Variants in TACC2 observed in about 807,000 individuals in gnomAD.
The protein encoded by TACC2 is transforming acidic coiled-coil-containing protein 2.
TACC2 carries 137 observed loss-of-function variants against 227.3 expected under a neutral mutation model. The observed-to-expected ratio is 0.60, with a 90% CI of 0.52 to 0.69. The LOEUF is 0.69. Ranked by LOEUF, TACC2 falls within the 30% of genes least tolerant of loss-of-function variation. TACC2 has a pLI of 0.00. For missense variants in TACC2, 3,470 were observed against 3,694.4 expected (o/e 0.94, Z 1.57); for synonymous variants, 1,523 against 1,487.5 (o/e 1.02, Z -0.55).
At chr10:121,999,378 AT>A (rs1217734430) in intron 1 of TACC2, among the ~76,000 whole-genome samples, 15 of 152,332 alleles carry the variant, frequency 9.8e-5, no homozygotes, top group African/African-American at 3.6e-4. Flanking sequence ...ATTCCTCTGA[AT>A]ATCCTTTTGC....
chr10:122,206,853 C>A (rs1236001056), intron 8 of TACC2, among the ~76,000 whole-genome samples: 1 of 152,180 alleles, frequency 6.6e-6, no homozygotes, highest in Non-Finnish European at 1.5e-5. Flanking sequence ...TCCTATCCTT[C>A]CTTACCTCTA....
rs1048137249 is a variant in TACC2 at position 122,084,847 on chromosome 10, C to T, written c.2347C>T (p.Gln783Ter). The change falls in exon 4 of 23, where the codon CAG becomes TAG. Residue 783 changes from glutamine (Q) to a stop codon, truncating the protein, a stop_gained. Transcript: ENST00000369005. LOFTEE classifies it high-confidence loss of function. ...TCATGCTGGGGTGCCACATCCCCCC[C>T]AGGGGGAGAACTTGGCAGCAGACCT... is the stretch of plus-strand genomic sequence containing the variant. The part of the protein sequence containing the change: ...EFHAGVPHPP[Q>*]GENLAADLGL... 87 of 1,613,786 alleles carry T rather than the reference C, an allele frequency of 5.4e-5. No individual in the cohort carries two copies. The highest frequency in any genetic ancestry group is 7.0e-5 in the Non-Finnish European group (83 of 1,180,038).
In TACC2 at chr10:122,084,562, T is replaced by C. The variant is rs769357558; in HGVS notation, c.2062T>C (p.Trp688Arg). ...GCCCACTGTTCCCGAAGGAGCCATC[T>C]GGGAGGGGTCAGGATTGCAGCCCAA... ...GEPTVPEGAI[W>R]EGSGLQPKCP... The change falls in exon 4 of 23, where the codon TGG becomes CGG. Residue 688 changes from tryptophan (W) to arginine (R), a missense_variant. Physicochemically the swap from Trp to Arg is moderately radical, Grantham distance 101 (BLOSUM62 -3). This residue lies in a region of TACC2 where 1,924 missense variants were observed against 1,978.3 expected (regional missense o/e 0.97). Coordinates refer to ENST00000369005, the MANE Select transcript of TACC2 (RefSeq NM_206862.4). The C allele has an allele frequency of 3.1e-6, 5 of 1,613,670 alleles. No individual in the cohort carries two copies. The highest frequency in any genetic ancestry group is 3.4e-6 in the Non-Finnish European group (4 of 1,180,028).
In TACC2 at chr10:122,083,179, G is replaced by C; in HGVS notation, c.679G>C (p.Glu227Gln). ...CCAGCCTGGTGGTTTTGAGTCCCAA[G>C]AGAAAGAGGCTGCAGGTGGCTTTCC... ...GDQPGGFESQ[E>Q]KEAAGGFPPA... The change falls in exon 4 of 23, where the codon GAG (glutamate) becomes CAG (glutamine). Residue 227 changes from glutamate to glutamine, a missense_variant. Coordinates refer to ENST00000369005, the MANE Select transcript of TACC2 (RefSeq NM_206862.4). 1 of 1,613,392 alleles carries C rather than the reference G, an allele frequency of 6.2e-7. No homozygotes were observed. The highest frequency in any genetic ancestry group is 8.5e-7 in the Non-Finnish European group (1 of 1,180,026).
chr10:122,202,682 G>C (rs1224259600), intron 8 of TACC2, among the ~76,000 whole-genome samples: 5 of 131,838 alleles, frequency 3.8e-5, no homozygotes, highest in Non-Finnish European at 6.7e-5. Context: ...TTTTTTAATT[G>C]ATCATTCTTG....
rs369730135 is a variant in TACC2, at chr10:122,194,385, G to A, written c.5835-655G>A. On this transcript the variant is annotated intron_variant, in intron 7 of 22. Transcript: ENST00000369005. This position sits in a 1 kb window ranked among gnomAD's most constrained non-coding sequence, Gnocchi z 4.4. ...CAGCGAGGGCCATTTTCACTGTGTC[G>A]GGGTTGGTGGCCGTGCTTTGTGTCT... 2.6e-5 allele frequency among the ~76,000 whole-genome samples: 4 copies of A among 152,166 alleles called. No individual in the cohort carries two copies. Among genetic ancestry groups the A allele is most frequent in the South Asian group, 2.1e-4 (1 of 4,820 alleles).
At chr10:122,178,614 T>C (rs767296130) in intron 7 of TACC2, among the ~76,000 whole-genome samples, 1 of 151,580 alleles carries the variant, frequency 6.6e-6, no homozygotes, top group Non-Finnish European at 1.5e-5. Flanking sequence ...TCAGGCGCAG[T>C]GGCTCACGCC....
chr10:122,044,027 A>G (rs1009175979), intron 2 of TACC2, among the ~76,000 whole-genome samples: 3 of 152,184 alleles, frequency 2.0e-5, no homozygotes, highest in African/African-American at 7.2e-5. Context: ...CAGAACCTAG[A>G]CCCAGCCCTT....
rs573978302 is a variant in TACC2 at position 122,125,216 on chromosome 10, A to G, written c.5574-7393A>G. On this transcript the variant is annotated intron_variant, in intron 5 of 22. Transcript: ENST00000369005. ...TTATGACTTTTTGAGTTTTTTTGAG[A>G]CAGGGTCTCACTTTTGTTGCTCAGG... Among the ~76,000 whole-genome samples the G allele has an allele frequency of 2.0e-5, 3 of 152,046 alleles. No individual in the cohort carries two copies. In the East Asian group the frequency reaches 5.8e-4, roughly 29 times the overall value.
At chr10:122,125,860 T>TCTGCCTCCCAGGTTCAAGCGATTCTC (rs1411641103) in intron 5 of TACC2, among the ~76,000 whole-genome samples, 2 of 147,876 alleles carry the variant, frequency 1.4e-5, no homozygotes, top group South Asian at 4.4e-4. Context: ...CACTGCAACT[T>TCTGCCTCCCAGGTTCAAGCGATTCTC]CTGCCTCCCA....
At chr10:122,010,371 A>G (rs1165830163) in intron 1 of TACC2, among the ~76,000 whole-genome samples, 1 of 152,172 alleles carries the variant, frequency 6.6e-6, no homozygotes, top group Non-Finnish European at 1.5e-5. Context: ...GTTTTTTGCT[A>G]ATCTTGTCTG....
At chr10:122,054,340 T>C (rs1591508033) in intron 3 of TACC2, among the ~76,000 whole-genome samples, 2 of 152,182 alleles carry the variant, frequency 1.3e-5, no homozygotes, top group Admixed American at 6.5e-5. Context: ...CCTAGCCTCC[T>C]AGGGTGAAGC....
At chr10:122,146,202 G>C (rs1485794281) in intron 7 of TACC2, among the ~76,000 whole-genome samples, 1 of 152,098 alleles carries the variant, frequency 6.6e-6, no homozygotes, top group East Asian at 1.9e-4. Flanking sequence ...TGTGTGGGCT[G>C]GGCCGGAGGT....
Position 122,084,923 on chromosome 10 carries a change from GC to G in TACC2, c.2426del (p.Pro809GlnfsTer6). On this transcript the variant is annotated frameshift_variant, in exon 4 of 23. Transcript: ENST00000369005. LOFTEE classifies it high-confidence loss of function. The part of the protein sequence containing the change: ...LDQDQQGIPS[C>X]PGEGWIRGAA... Reference sequence around the variant, plus strand: ...CAAGATCAGCAGGGAATCCCATCCTGCCCAGGGGAAGGCTGGATAAGAGGAG... The same window carrying G: ...CAAGATCAGCAGGGAATCCCATCCTGCCAGGGGAAGGCTGGATAAGAGGAG... The G allele has an allele frequency of 1.2e-6, 2 of 1,614,120 alleles. No individual in the cohort carries two copies. Among genetic ancestry groups the G allele is most frequent in the Non-Finnish European group, 1.7e-6 (2 of 1,180,030 alleles).
intron 19 of TACC2, chr10:122,246,378 G>A (rs2096119644): frequency 6.6e-6 from 1 of 152,196 alleles, no homozygotes; most frequent in African/African-American, 2.4e-5. Flanking sequence ...CGGTAACAGT[G>A]TGCCTAGTCC....
chr10:122,250,438 T>C (rs947082862), intron 22 of TACC2, among the ~76,000 whole-genome samples: 7 of 152,214 alleles, frequency 4.6e-5, no homozygotes, highest in African/African-American at 1.7e-4. Flanking sequence ...TTTTGGGCCT[T>C]GATAGGCAGT....
In TACC2 at chr10:122,143,607, C is replaced by T; in HGVS notation, c.5735C>T (p.Pro1912Leu). 1 of 1,614,098 alleles carries T rather than the reference C, an allele frequency of 6.2e-7. No homozygotes were observed. Among genetic ancestry groups the T allele is most frequent in the Non-Finnish European group, 8.5e-7 (1 of 1,179,940 alleles). Reference sequence around the variant, plus strand: ...GCTGCTGCCCATGCGGGTCTTCCTCCCTCGGCTGCAGAACACATAGTTTCG... The same window carrying T: ...GCTGCTGCCCATGCGGGTCTTCCTCTCTCGGCTGCAGAACACATAGTTTCG... ...SPAAAHAGLPPSAAEHIVSPS... is the reference protein window; with the variant it reads ...SPAAAHAGLPLSAAEHIVSPS... The change falls in exon 7 of 23, where the codon CCC (proline) becomes CTC (leucine). Residue 1912 changes from proline (P) to leucine (L), a missense_variant. Physicochemically the swap from Pro to Leu is moderately conservative, Grantham distance 98. Coordinates refer to ENST00000369005, the MANE Select transcript of TACC2 (RefSeq NM_206862.4).
intron 7 of TACC2, among the ~76,000 whole-genome samples, chr10:122,153,542 G>A (rs766154692): frequency 6.6e-6 from 1 of 152,198 alleles, no homozygotes; most frequent in Non-Finnish European, 1.5e-5. Flanking sequence ...GAGTCCCAGA[G>A]GTGTTGTGAG....
intron 5 of TACC2, among the ~76,000 whole-genome samples, chr10:122,125,790 T>TTTTA (rs2086725055): frequency 6.6e-6 from 1 of 150,408 alleles, no homozygotes; most frequent in Non-Finnish European, 1.5e-5. Flanking sequence ...TTTTTTTTTT[T>TTTTA]TTTTGAGAGG....
Sources: allele counts gnomAD v4.1 joint callset (sites outside exome capture counted in the v4.1 genomes callset), GRCh38; gene constraint gnomAD v4.1.1; regional missense constraint gnomAD v4.1.1; non-coding constraint Gnocchi (gnomAD v3.1); transcripts MANE v1.5; gene names NCBI Gene and HGNC (gene_info 2026-07-23, HGNC 2026-07-21).